The following SLC9A2 variants were observed in gnomAD, a reference collection of about 807,000 sequenced individuals.
SLC9A2 encodes the protein sodium/hydrogen exchanger 2.
A neutral mutation model predicts 71.7 loss-of-function variants in SLC9A2; 42 were observed. The observed-to-expected ratio is 0.59, with a 90% CI of 0.46 to 0.76. SLC9A2 has a LOEUF of 0.76. Ranked by LOEUF, SLC9A2 falls within the 30% of genes least tolerant of loss-of-function variation. The pLI is 0.00. For synonymous variants in SLC9A2, 396 were observed against 392.5 expected, an observed-to-expected ratio of 1.01 and a Z score of -0.10; for missense variants, 829 against 1,017.4, an observed-to-expected ratio of 0.81 and a Z score of 2.52.
chr2:102,708,263 A>C lies in SLC9A2; in HGVS notation c.2213A>C (p.Asp738Ala). 6.2e-7 allele frequency: 1 copy of C among 1,614,164 alleles called. No homozygotes were observed. Among genetic ancestry groups the C allele is most frequent in the East Asian group, 2.2e-5 (1 of 44,876 alleles). ...KMEWKNEVDV[D>A]SGRDMPSTPP... ...GAATGGAAGAATGAGGTAGATGTTG[A>C]TTCTGGCCGAGATATGCCCAGCACC... The change falls in exon 12 of 12, where the codon GAT (aspartate) becomes GCT (alanine). Residue 738 changes from aspartate to alanine, a missense_variant. Coordinates refer to ENST00000233969, the MANE Select transcript of SLC9A2 (RefSeq NM_003048.6).
intron 3 of SLC9A2, among the ~76,000 whole-genome samples, chr2:102,677,812 A>G (rs17027723): frequency 0.019 from 2,963 of 152,290 alleles, 107 homozygotes; most frequent in African/African-American, 0.068. Flanking sequence ...TCTCCAGCCT[A>G]TAAAGTTAAA....
chr2:102,706,609 G>A (rs1677981854), intron 11 of SLC9A2, among the ~76,000 whole-genome samples: 1 of 152,144 alleles, frequency 6.6e-6, no homozygotes, highest in South Asian at 2.1e-4. Context: ...TCAAGAGTTT[G>A]CAAATCTAAA....
chr2:102,638,999 C>G (rs887236278), intron 1 of SLC9A2, among the ~76,000 whole-genome samples: 8 of 152,186 alleles, frequency 5.3e-5, no homozygotes, highest in Non-Finnish European at 8.8e-5. Context: ...GCATGGTCAA[C>G]ATAGTGAGAC....
At chr2:102,640,708 G>A (rs1676558633) in intron 1 of SLC9A2, among the ~76,000 whole-genome samples, 1 of 152,064 alleles carries the variant, frequency 6.6e-6, no homozygotes, top group Admixed American at 6.5e-5. Context: ...CTTCATGGAG[G>A]GCCCATTAGA....
rs1463508167 is a variant in SLC9A2, at chr2:102,661,435, AT to A, written c.753+3412del. Among the ~76,000 whole-genome samples the A allele has an allele frequency of 3.9e-5, 6 of 152,270 alleles. No individual in the cohort carries two copies. In the East Asian group the frequency reaches 7.7e-4, roughly 20 times the overall value. Reference sequence around the variant, plus strand: ...AGTGACCACTTGGATCTTAATTTTGATTTTGCAAACAGCAGAATAGTTCTAA... The same window carrying A: ...AGTGACCACTTGGATCTTAATTTTGATTTGCAAACAGCAGAATAGTTCTAA... On this transcript the variant is annotated intron_variant, in intron 2 of 11. Coordinates refer to ENST00000233969, the MANE Select transcript of SLC9A2 (RefSeq NM_003048.6).
intron 1 of SLC9A2, among the ~76,000 whole-genome samples, chr2:102,644,412 G>C (rs1025021483): frequency 2.6e-5 from 4 of 152,150 alleles, no homozygotes; most frequent in Non-Finnish European, 4.4e-5. Flanking sequence ...CACTGAGCTA[G>C]CTGCAGGAGG....
intron 1 of SLC9A2, among the ~76,000 whole-genome samples, chr2:102,625,212 CA>C (rs2104495253): frequency 6.6e-6 from 1 of 152,334 alleles, no homozygotes; most frequent in South Asian, 2.1e-4. Flanking sequence ...AGGATGACTT[CA>C]ACAGCTTTTC....
intron 1 of SLC9A2, among the ~76,000 whole-genome samples, chr2:102,632,907 A>G (rs1676403143): frequency 6.6e-6 from 1 of 152,176 alleles, no homozygotes; most frequent in African/African-American, 2.4e-5. Context: ...ACAACTCCAT[A>G]GCCATATTTC....
rs761684174 is a variant in SLC9A2 at position 102,684,169 on chromosome 2, C to A, written c.1258C>A (p.Arg420=). The change falls in exon 5 of 12, where the codon CGG becomes AGG. Residue 420 remains arginine (R), a synonymous_variant. Transcript: ENST00000233969. The part of the protein sequence containing the change: ...FVLTQVINRF[R]TIPLTFKDQF... ...CCTGACTCAGGTCATTAATAGGTTC[C>A]GGACCATTCCCCTGACCTTTAAGGA... The A allele has an allele frequency of 2.5e-6, 4 of 1,614,092 alleles. No homozygotes were observed. The South Asian group carries it at 4.4e-5, about 18-fold the overall frequency.
chr2:102,667,016 C>G (rs1471943580), intron 3 of SLC9A2, among the ~76,000 whole-genome samples: 1 of 152,144 alleles, frequency 6.6e-6, no homozygotes, highest in Admixed American at 6.6e-5. Context: ...GTATCAGAAG[C>G]AGATGAGGTT....
At chr2:102,633,825 CTT>C (rs1482276842) in intron 1 of SLC9A2, among the ~76,000 whole-genome samples, 1 of 152,148 alleles carries the variant, frequency 6.6e-6, no homozygotes, top group African/African-American at 2.4e-5. Flanking sequence ...ACCCATATAA[CTT>C]AAGCTGTCAT....
At chr2:102,677,652 A>G (rs1398444445) in intron 3 of SLC9A2, among the ~76,000 whole-genome samples, 2 of 152,210 alleles carry the variant, frequency 1.3e-5, no homozygotes, top group Admixed American at 6.5e-5. Context: ...ATTCCTATTA[A>G]TGACTCATCC....
chr2:102,623,622 A>G (rs1676186818), intron 1 of SLC9A2, among the ~76,000 whole-genome samples: 1 of 152,180 alleles, frequency 6.6e-6, no homozygotes, highest in African/African-American at 2.4e-5. Context: ...ATATGACTTA[A>G]GTTGCTCATA....
rs569540516 is a variant in SLC9A2 at position 102,625,924 on chromosome 2, T to G, written c.289+5787T>G. ...GTCTTCCACAATGGTTGAACTAGTT[T>G]ACAGTCCCACCAACAGTGTAAAAGT... On this transcript the variant is annotated intron_variant, in intron 1 of 11. Coordinates refer to ENST00000233969, the MANE Select transcript of SLC9A2 (RefSeq NM_003048.6). 3.9e-5 allele frequency among the ~76,000 whole-genome samples: 6 copies of G among 152,342 alleles called. No homozygotes were observed. The South Asian group carries it at 1.0e-3, about 26-fold the overall frequency.
intron 2 of SLC9A2, among the ~76,000 whole-genome samples, chr2:102,661,403 G>C (rs72828033): frequency 0.061 from 9,275 of 152,208 alleles, 388 homozygotes; most frequent in South Asian, 0.12. Flanking sequence ...GAAGATGGAG[G>C]GTAAGCAGTG....
chr2:102,683,082 C>T (rs1000674240), intron 3 of SLC9A2, among the ~76,000 whole-genome samples, 179 bp from the exon 4 acceptor site: 4 of 152,052 alleles, frequency 2.6e-5, no homozygotes, highest in East Asian at 1.9e-4. Context: ...AGAAGACCTC[C>T]GGAGATTGCA....
intron 1 of SLC9A2, among the ~76,000 whole-genome samples, chr2:102,625,586 T>C (rs911660534): frequency 5.9e-5 from 9 of 152,062 alleles, no homozygotes; most frequent in Non-Finnish European, 1.0e-4. Context: ...TTTTTTGTTC[T>C]TGCGATAGTT....
intron 1 of SLC9A2, among the ~76,000 whole-genome samples, chr2:102,642,065 T>TA (rs1553424330): frequency 6.9e-6 from 1 of 145,082 alleles, no homozygotes; most frequent in Admixed American, 6.9e-5. Flanking sequence ...ATAATAATAA[T>TA]AAAGAAATAC....
intron 1 of SLC9A2, among the ~76,000 whole-genome samples, chr2:102,635,844 C>T (rs1234977711): frequency 6.6e-5 from 10 of 151,060 alleles, no homozygotes; most frequent in African/African-American, 2.4e-4. Flanking sequence ...GATAAGATAG[C>T]TAATCTGTTT....
Sources: gnomAD v4.1 joint callset for allele counts (sites outside exome capture counted in the v4.1 genomes callset) on GRCh38, gnomAD v4.1.1 for gene constraint, MANE v1.5 for transcripts, NCBI Gene and HGNC (gene_info 2026-07-23, HGNC 2026-07-21) for gene names.